SEZ6L: variants seen among roughly 807,000 people sequenced by gnomAD.
SEZ6L encodes the protein seizure related 6 homolog like.
SEZ6L carries 37 observed loss-of-function variants against 106.2 expected under a neutral mutation model. The ratio of observed to expected loss-of-function variants is 0.35; its 90% CI spans 0.27 to 0.46. The LOEUF (loss-of-function observed/expected upper bound fraction) is 0.46. Among genes scored for constraint, SEZ6L ranks in the 20% least tolerant of loss-of-function variants. The pLI, the probability that SEZ6L is intolerant of heterozygous loss-of-function variation, is 1.00. For synonymous variants in SEZ6L, 541 were observed against 570.4 expected (o/e 0.95, Z 0.73); for missense variants, 1,172 against 1,332.8 (o/e 0.88, Z 1.88).
At chr22:26,298,296 G>T (rs921708561) in intron 4 of SEZ6L, among the ~76,000 whole-genome samples, 10 of 152,180 alleles carry the variant, frequency 6.6e-5, no homozygotes, top group African/African-American at 2.4e-4. Flanking sequence ...ATGGTCTAGG[G>T]TGAAGAAGCT....
intron 1 of SEZ6L, among the ~76,000 whole-genome samples, chr22:26,233,272 C>T (rs553586471): frequency 2.3e-4 from 35 of 152,324 alleles, no homozygotes; most frequent in Non-Finnish European, 4.7e-4. Context: ...TCTCCTCATG[C>T]GGCGCCTCTT....
chr22:26,335,715 A>G (rs2082624384), intron 9 of SEZ6L, among the ~76,000 whole-genome samples: 1 of 152,174 alleles, frequency 6.6e-6, no homozygotes. Context: ...GTCATCAGTG[A>G]TGGGATGCTC....
At chr22:26,352,288 T>G (rs967688221) in intron 12 of SEZ6L, among the ~76,000 whole-genome samples, 8 of 152,200 alleles carry the variant, frequency 5.3e-5, no homozygotes, top group East Asian at 1.9e-4. Flanking sequence ...CACAGTATTT[T>G]GGGGGTTAGA....
intron 1 of SEZ6L, among the ~76,000 whole-genome samples, chr22:26,209,660 T>C (rs2078089689): frequency 7.4e-6 from 1 of 134,284 alleles, no homozygotes. Context: ...AAAAGATGGA[T>C]ATATGGATGG....
intron 6 of SEZ6L, among the ~76,000 whole-genome samples, chr22:26,308,425 G>A (rs1226349659): frequency 6.6e-6 from 1 of 152,096 alleles, no homozygotes; most frequent in Non-Finnish European, 1.5e-5. Flanking sequence ...TTGAATGCCA[G>A]GCTACTTTTA....
At chr22:26,339,635 C>G (rs1213832127) in intron 9 of SEZ6L, among the ~76,000 whole-genome samples, 1 of 152,154 alleles carries the variant, frequency 6.6e-6, no homozygotes, top group African/African-American at 2.4e-5. Context: ...TCTGCCCTAC[C>G]CCTTAAACAT....
chr22:26,188,555 C>A (rs1939957493), intron 1 of SEZ6L, among the ~76,000 whole-genome samples: 1 of 152,160 alleles, frequency 6.6e-6, no homozygotes, highest in Non-Finnish European at 1.5e-5. Context: ...GACTTGGCAG[C>A]CATCTATAAC....
Position 26,292,558 on chromosome 22 carries a change from C to G in SEZ6L, c.247C>G (p.Leu83Val), listed in dbSNP as rs1463930849. 1 of 1,613,852 alleles carries G rather than the reference C, an allele frequency of 6.2e-7. No homozygotes were observed. Among genetic ancestry groups the G allele is most frequent in the African/African-American group, 1.3e-5 (1 of 75,048 alleles). Reference sequence around the variant, plus strand: ...ACAGTCGGCGGAAGTGCTGGGCGAGCTGGTGCTGGATGGGACCGCACCCTC... The same window carrying G: ...ACAGTCGGCGGAAGTGCTGGGCGAGGTGGTGCTGGATGGGACCGCACCCTC... ...SSQSAEVLGE[L>V]VLDGTAPSAH... Residue 83 changes from leucine (L) to valine (V), a missense_variant, in exon 2 of 17, where the codon CTG (leucine) becomes GTG (valine). Leu to Val is a conservative substitution (Grantham distance 32, BLOSUM62 1). Around this residue, in one of 4 missense-constraint regions of SEZ6L, gnomAD observed 494 missense variants for 445.8 expected, o/e 1.11. Transcript: ENST00000248933.
chr22:26,345,484 C>T (rs1569471984), intron 10 of SEZ6L, among the ~76,000 whole-genome samples: 11 of 152,136 alleles, frequency 7.2e-5, no homozygotes, highest in Admixed American at 7.2e-4. Flanking sequence ...TGTCTGCTCC[C>T]ATTTCTCCCC....
At chr22:26,211,253 G>A (rs935614784) in intron 1 of SEZ6L, among the ~76,000 whole-genome samples, 1 of 152,172 alleles carries the variant, frequency 6.6e-6, no homozygotes, top group African/African-American at 2.4e-5. Context: ...TCTTTCAAAA[G>A]GTTTTGCTGT....
chr22:26,340,364 A>C, intron 9 of SEZ6L, 72 bp from the exon 10 acceptor site: 2 of 1,431,558 alleles, frequency 1.4e-6, no homozygotes, highest in South Asian at 2.7e-5. Flanking sequence ...ATTGCCTGAA[A>C]AAGTTAATCA....
intron 1 of SEZ6L, among the ~76,000 whole-genome samples, chr22:26,198,610 G>C (rs961665162): frequency 7.2e-5 from 11 of 152,218 alleles, no homozygotes; most frequent in Non-Finnish European, 7.3e-5. Flanking sequence ...TTGGTGTCTG[G>C]TGAGGGCTGT....
intron 15 of SEZ6L, among the ~76,000 whole-genome samples, chr22:26,376,813 G>A (rs9613166): frequency 0.49 from 75,004 of 152,112 alleles, 19,784 homozygotes; most frequent in East Asian, 0.94. Flanking sequence ...AACAGCATGT[G>A]CAAAGGTCCT....
In SEZ6L at chr22:26,351,266, G is replaced by C. The variant is rs770657165; in HGVS notation, c.2599+23G>C. On this transcript the variant is annotated intron_variant, in intron 12 of 16. Coordinates refer to ENST00000248933, the MANE Select transcript of SEZ6L (RefSeq NM_021115.5). Reference sequence around the variant, plus strand: ...TTTGTGAGTCCTGTTTAATGAATTGGGCCCCCAGTAGGTAGAAGCAGATTC... The same window carrying C: ...TTTGTGAGTCCTGTTTAATGAATTGCGCCCCCAGTAGGTAGAAGCAGATTC... 2.5e-6 allele frequency: 4 copies of C among 1,606,826 alleles called. No homozygotes were observed. The Admixed American group carries it at 5.0e-5, about 20-fold the overall frequency.
At chr22:26,246,739 G>A (rs1048420920) in intron 1 of SEZ6L, among the ~76,000 whole-genome samples, 1 of 152,202 alleles carries the variant, frequency 6.6e-6, no homozygotes, top group African/African-American at 2.4e-5. Context: ...GCCTGGAAAT[G>A]TTTATTGCAT....
intron 4 of SEZ6L, 56 bp downstream of exon 4, chr22:26,297,136 A>T: frequency 7.0e-7 from 1 of 1,435,748 alleles, no homozygotes; most frequent in Non-Finnish European, 9.3e-7. Context: ...TTCCCTCTGG[A>T]GAAAAGGATT....
rs1009471535 is a variant in SEZ6L at position 26,189,868 on chromosome 22, C to T, written c.94+20105C>T. 3.3e-5 allele frequency among the ~76,000 whole-genome samples: 5 copies of T among 152,118 alleles called. No individual in the cohort carries two copies. In the East Asian group the frequency reaches 5.8e-4, roughly 18 times the overall value. On this transcript the variant is annotated intron_variant, in intron 1 of 16. Transcript: ENST00000248933. ...ATCCCAGCACTTTGGGAGGCCGAGGCGGGCGGGTCACGAGGTCAGGAGATC... is the reference window on the plus strand; with the variant it reads ...ATCCCAGCACTTTGGGAGGCCGAGGTGGGCGGGTCACGAGGTCAGGAGATC...
intron 1 of SEZ6L, among the ~76,000 whole-genome samples, chr22:26,219,536 C>T (rs1370425748): frequency 6.6e-6 from 1 of 152,106 alleles, no homozygotes; most frequent in Non-Finnish European, 1.5e-5. Flanking sequence ...GAATCCATCT[C>T]CTGAGCCCAG....
At position 26,255,926 on chromosome 22, in the gene SEZ6L, T is replaced by A. The variant is rs973974761; in HGVS notation, c.95-36480T>A. Among the ~76,000 whole-genome samples, 15 of 152,154 alleles carry A rather than the reference T, an allele frequency of 9.9e-5. 1 individual carries two copies. The highest frequency in any genetic ancestry group is 9.2e-4 in the Admixed American group (14 of 15,282). ...TCATTGTAAACTTACAGCTGTGAGA[T>A]CTTTAGTGTTGGAAGAGCACATGAG... On this transcript the variant is annotated intron_variant, in intron 1 of 16. Transcript: ENST00000248933.
Sources: gnomAD v4.1 joint callset for allele counts (sites outside exome capture counted in the v4.1 genomes callset) on GRCh38, gnomAD v4.1.1 for gene constraint, gnomAD v4.1.1 regional missense constraint, MANE v1.5 for transcripts, NCBI Gene and HGNC (gene_info 2026-07-23, HGNC 2026-07-21) for gene names.